The following VWA3B variants were observed in gnomAD, a reference collection of about 807,000 sequenced individuals.
VWA3B encodes the protein von Willebrand factor A domain containing 3B.
Under a neutral mutation model 158.3 loss-of-function variants are expected in VWA3B, and 138 were observed. That is an observed-to-expected ratio of 0.87 (90% CI 0.76 to 1.00). The LOEUF is 1.00. Among genes scored for constraint, VWA3B ranks in the 50% least tolerant of loss-of-function variants. The pLI, the probability that VWA3B is intolerant of heterozygous loss-of-function variation, is 0.00. For missense variants in VWA3B, 1,555 were observed against 1,565.1 expected (o/e 0.99, Z 0.11); for synonymous variants, 596 against 587.3 (o/e 1.01, Z -0.21).
chr2:98,179,169 C>A, intron 8 of VWA3B: 3 of 469,462 alleles, frequency 6.4e-6, no homozygotes, highest in South Asian at 4.7e-5. Context: ...CAGCTCCAGA[C>A]ACCAGTGCCT....
intron 21 of VWA3B, among the ~76,000 whole-genome samples, chr2:98,264,839 A>C (rs1687699147): frequency 6.6e-6 from 1 of 151,966 alleles, no homozygotes; most frequent in Non-Finnish European, 1.5e-5. Context: ...GTTGCTGTCT[A>C]TTTCTTCAGT....
At chr2:98,263,247 G>C (rs1334269327) in intron 21 of VWA3B, among the ~76,000 whole-genome samples, 2 of 151,770 alleles carry the variant, frequency 1.3e-5, no homozygotes, top group Non-Finnish European at 2.9e-5. Context: ...TTTGGATATT[G>C]CTCCTTTCTT....
In VWA3B at chr2:98,234,697, C is replaced by A. The variant is rs776737465; in HGVS notation, c.2358C>A (p.Ser786Arg). Residue 786 changes from serine (S) to arginine (R), a missense_variant, in exon 17 of 28, where the codon AGC becomes AGA. Transcript: ENST00000477737. ...LLRSQMSSLR[S>R]SACSERKDGL... ...GAAGCCAGATGTCCTCCCTCAGGAG[C>A]TCAGCTTGCAGTGAAAGGAAGGATG... 5 of 1,614,102 alleles carry A rather than the reference C, an allele frequency of 3.1e-6. 1 individual carries two copies. The South Asian group carries it at 5.5e-5, about 18-fold the overall frequency.
chr2:98,220,192 C>T (rs574893040), intron 14 of VWA3B, among the ~76,000 whole-genome samples: 25 of 140,464 alleles, frequency 1.8e-4, no homozygotes, highest in African/African-American at 5.8e-4. Flanking sequence ...AAAAAAGATA[C>T]GAAAAAACTA....
intron 13 of VWA3B, among the ~76,000 whole-genome samples, chr2:98,215,504 C>T (rs2105581216): frequency 6.6e-6 from 1 of 151,582 alleles, no homozygotes; most frequent in East Asian, 2.0e-4. Flanking sequence ...TTACCCCAAA[C>T]ATAATTTCGA....
rs544197846 is a variant in VWA3B at position 98,275,866 on chromosome 2, G to A, written c.3045+4983G>A. ...AGTGGGTAGAAGGGTGGGTAGAAGT[G>A]GAGGAAGTTAGTATAAGAAGTGAAG... On this transcript the variant is annotated intron_variant, in intron 22 of 27. Transcript: ENST00000477737. Among the ~76,000 whole-genome samples the A allele has an allele frequency of 2.6e-5, 4 of 152,354 alleles. No homozygotes were observed. The South Asian group carries it at 8.3e-4, about 32-fold the overall frequency.
In VWA3B at chr2:98,312,512, C is replaced by A; in HGVS notation, c.*163C>A. ...AAGACTCCTCTCCCCTCCATCCCTG[C>A]TGCCTCCCCTACCCGTTTGACGACT... On this transcript the variant is annotated 3_prime_UTR_variant, in exon 28 of 28. Coordinates refer to ENST00000477737, the MANE Select transcript of VWA3B (RefSeq NM_144992.5). 1.2e-6 allele frequency: 1 copy of A among 820,608 alleles called. No individual in the cohort carries two copies. Among genetic ancestry groups the A allele is most frequent in the Non-Finnish European group, 1.8e-6 (1 of 551,134 alleles). 50.8% of individuals were successfully genotyped at this position (820,608 alleles called of 1,614,324 possible). A position where few individuals can be genotyped will look rare whatever the true frequency, so the allele number is the denominator to read the frequency against.
At chr2:98,324,216 C>T in the VWA3B span, among the ~76,000 whole-genome samples, 2 of 151,990 alleles carry the variant, frequency 1.3e-5, no homozygotes, top group South Asian at 2.1e-4. Context: ...AGGTTGGAGT[C>T]CAGTTGTGCA....
intron 2 of VWA3B, among the ~76,000 whole-genome samples, chr2:98,104,243 T>C (rs1442885815): frequency 6.6e-6 from 1 of 152,200 alleles, no homozygotes; most frequent in Non-Finnish European, 1.5e-5. Context: ...TGACTGAGGC[T>C]GGGTAATTTA....
chr2:98,270,627 T>C, intron 21 of VWA3B, 55 bp from the exon 22 acceptor site: 1 of 1,547,578 alleles, frequency 6.5e-7, no homozygotes, highest in Middle Eastern at 1.7e-4. Flanking sequence ...TTATAGTCAT[T>C]TTCTTTGCTT....
intron 2 of VWA3B, among the ~76,000 whole-genome samples, chr2:98,108,874 C>T (rs961101619): frequency 5.3e-5 from 8 of 151,740 alleles, no homozygotes; most frequent in African/African-American, 1.9e-4. Context: ...GCTTGTTGAC[C>T]ATTTTATTTT....
intron 19 of VWA3B, among the ~76,000 whole-genome samples, chr2:98,237,313 A>G (rs1032790408): frequency 1.3e-5 from 2 of 152,246 alleles, no homozygotes; most frequent in African/African-American, 4.8e-5. Flanking sequence ...CAGAGTCATG[A>G]GTGAACATCA....
intron 22 of VWA3B, among the ~76,000 whole-genome samples, chr2:98,289,511 C>T (rs1378949742): frequency 6.6e-6 from 1 of 152,212 alleles, no homozygotes; most frequent in East Asian, 1.9e-4. Flanking sequence ...CTTCTAGCAT[C>T]CACTGTTGCA....
chr2:98,104,480 C>T (rs1683295007), intron 2 of VWA3B, among the ~76,000 whole-genome samples: 1 of 152,144 alleles, frequency 6.6e-6, no homozygotes, highest in African/African-American at 2.4e-5. Context: ...ATTGAGAACT[C>T]CCTCATTCCC....
chr2:98,164,387 C>T (rs1678896014), intron 8 of VWA3B, among the ~76,000 whole-genome samples: 1 of 152,076 alleles, frequency 6.6e-6, no homozygotes, highest in African/African-American at 2.4e-5. Context: ...ATTTGCATTC[C>T]CTAAATGGTA....
intron 20 of VWA3B, 75 bp downstream of exon 20, chr2:98,250,511 G>A: frequency 2.5e-6 from 3 of 1,183,002 alleles, no homozygotes; most frequent in South Asian, 1.6e-5. Context: ...TCTTGTTTTA[G>A]CTTAGCTTTT....
chr2:98,158,966 A>G (rs75436565), intron 7 of VWA3B, among the ~76,000 whole-genome samples: 3,992 of 152,250 alleles, frequency 0.026, 80 homozygotes, highest in Non-Finnish European at 0.04. Context: ...CTCAACACAT[A>G]CTTGCCAAAT....
At chr2:98,157,464 A>G (rs1678181674) in intron 7 of VWA3B, among the ~76,000 whole-genome samples, 2 of 152,192 alleles carry the variant, frequency 1.3e-5, no homozygotes. Context: ...GAATTTTTTT[A>G]TTATGACAAA....
intron 8 of VWA3B, among the ~76,000 whole-genome samples, chr2:98,178,112 C>T (rs1291463903): frequency 1.3e-5 from 2 of 152,112 alleles, no homozygotes; most frequent in South Asian, 2.1e-4. Context: ...ACAGAAATGG[C>T]GGCATCCTCT....
Sources: gnomAD v4.1 joint callset for allele counts (sites outside exome capture counted in the v4.1 genomes callset) on GRCh38, gnomAD v4.1.1 for gene constraint, MANE v1.5 for transcripts, NCBI Gene and HGNC (gene_info 2026-07-23, HGNC 2026-07-21) for gene names.